Variants in EPHA6 observed in about 807,000 individuals in gnomAD.
EPHA6 encodes EPH receptor A6, also known as ephrin type-A receptor 6.
A neutral mutation model predicts 112.0 loss-of-function variants in EPHA6; 50 were observed. The observed-to-expected ratio is 0.45, with a 90% CI of 0.36 to 0.56. The LOEUF (loss-of-function observed/expected upper bound fraction) is 0.56, where lower values mean the gene tolerates loss of function less well. Among genes scored for constraint, EPHA6 ranks in the 20% least tolerant of loss-of-function variants. The pLI is 0.00. For synonymous variants in EPHA6, 529 were observed against 490.7 expected (o/e 1.08, Z -1.03); for missense variants, 1,280 against 1,417.4 (o/e 0.90, Z 1.56).
intron 14 of EPHA6, among the ~76,000 whole-genome samples, chr3:97,655,658 G>A (rs1215139389): frequency 6.6e-6 from 1 of 150,572 alleles, no homozygotes; most frequent in Admixed American, 6.7e-5. Flanking sequence ...TGGGATGGCT[G>A]GGTCAAATGG....
rs764287128 is a variant in EPHA6, at chr3:97,660,299, A to G, written c.2784+22217A>G. On this transcript the variant is annotated intron_variant, in intron 14 of 17. Coordinates refer to ENST00000389672, the MANE Select transcript of EPHA6 (RefSeq NM_001080448.3). Reference sequence around the variant, plus strand: ...TAATCTAGGTCACATTTTCATCAATATAGTTTCTAATGAAAGTTTTTAAAA... The same window carrying G: ...TAATCTAGGTCACATTTTCATCAATGTAGTTTCTAATGAAAGTTTTTAAAA... Among the ~76,000 whole-genome samples, 7 of 152,182 alleles carry G rather than the reference A, an allele frequency of 4.6e-5. No homozygotes were observed. In the South Asian group the frequency reaches 6.2e-4, roughly 14 times the overall value.
chr3:97,552,564 C>T (rs1445589909), intron 11 of EPHA6, among the ~76,000 whole-genome samples: 1 of 152,146 alleles, frequency 6.6e-6, no homozygotes, highest in Admixed American at 6.6e-5. Flanking sequence ...TAGGCAACAT[C>T]TCTCTTTTAA....
At chr3:97,413,384 G>A (rs899488898) in intron 6 of EPHA6, among the ~76,000 whole-genome samples, 7 of 151,648 alleles carry the variant, frequency 4.6e-5, no homozygotes, top group African/African-American at 1.7e-4. Flanking sequence ...ATTTACAGGG[G>A]AAAGAGCAAG....
chr3:97,103,383 A>G (rs1213924497), intron 3 of EPHA6, among the ~76,000 whole-genome samples: 1 of 152,076 alleles, frequency 6.6e-6, no homozygotes, highest in Non-Finnish European at 1.5e-5. Flanking sequence ...TCCCAGCACC[A>G]TTTACTGAAT....
At chr3:97,486,072 T>C (rs2091692158) in intron 10 of EPHA6, among the ~76,000 whole-genome samples, 1 of 152,226 alleles carries the variant, frequency 6.6e-6, no homozygotes, top group Non-Finnish European at 1.5e-5. Context: ...AAAGTATAAT[T>C]GATACTGCAA....
intron 5 of EPHA6, among the ~76,000 whole-genome samples, chr3:97,361,257 C>T (rs1311290616): frequency 2.0e-5 from 3 of 152,154 alleles, no homozygotes; most frequent in Non-Finnish European, 4.4e-5. Context: ...TTGTTTATTT[C>T]ACCTGCTAGG....
intron 3 of EPHA6, among the ~76,000 whole-genome samples, chr3:97,182,216 T>C (rs1460686401): frequency 6.6e-6 from 1 of 151,842 alleles, no homozygotes; most frequent in Non-Finnish European, 1.5e-5. Context: ...TTAACTATCA[T>C]TTCTAGTTTG....
At chr3:97,645,521 G>C (rs1441266717) in intron 14 of EPHA6, among the ~76,000 whole-genome samples, 3 of 119,972 alleles carry the variant, frequency 2.5e-5, no homozygotes, top group Middle Eastern at 4.9e-3. Context: ...GTGGTGGGGT[G>C]GGGGGAGGGG....
chr3:96,963,160 CAAAAA>C (rs376176100), intron 2 of EPHA6, among the ~76,000 whole-genome samples: 6 of 85,676 alleles, frequency 7.0e-5, no homozygotes, highest in Admixed American at 1.1e-4. Flanking sequence ...AAACTGCATC[CAAAAA>C]AAAAAAAAAA....
At chr3:97,158,331 C>T (rs906317157) in intron 3 of EPHA6, among the ~76,000 whole-genome samples, 1 of 152,038 alleles carries the variant, frequency 6.6e-6, no homozygotes, top group African/African-American at 2.4e-5. Flanking sequence ...ACAACTAGTC[C>T]TCATTTCTCT....
intron 5 of EPHA6, among the ~76,000 whole-genome samples, chr3:97,256,632 A>G (rs1399088898): frequency 1.3e-5 from 2 of 152,010 alleles, no homozygotes; most frequent in Admixed American, 6.5e-5. Flanking sequence ...TTTTTCAGTA[A>G]CTAATCATTT....
intron 6 of EPHA6, among the ~76,000 whole-genome samples, chr3:97,448,096 A>G (rs1041744063): frequency 4.6e-5 from 7 of 152,118 alleles, no homozygotes; most frequent in Admixed American, 2.0e-4. Flanking sequence ...TTTAAAAAGC[A>G]ATTAATTTAT....
intron 4 of EPHA6, among the ~76,000 whole-genome samples, chr3:97,234,951 T>G (rs539028593): frequency 6.6e-5 from 10 of 152,170 alleles, no homozygotes; most frequent in African/African-American, 1.9e-4. Flanking sequence ...CTCCCCTTGA[T>G]TACCAAACTC....
intron 10 of EPHA6, among the ~76,000 whole-genome samples, chr3:97,525,526 T>G (rs1042509824): frequency 3.3e-5 from 5 of 152,186 alleles, no homozygotes; most frequent in African/African-American, 1.2e-4. Flanking sequence ...AAAGCCTTAG[T>G]TATTTTGATG....
chr3:97,377,704 T>G (rs1391932079), intron 5 of EPHA6, among the ~76,000 whole-genome samples: 1 of 152,130 alleles, frequency 6.6e-6, no homozygotes, highest in African/African-American at 2.4e-5. Context: ...GGAGCAAAGG[T>G]GACTCTTGTT....
At chr3:97,197,362 G>A (rs771936309) in intron 3 of EPHA6, among the ~76,000 whole-genome samples, 58 of 152,012 alleles carry the variant, frequency 3.8e-4, no homozygotes, top group Non-Finnish European at 8.1e-4. Flanking sequence ...GTTTACTCAA[G>A]GTCCAAGCGC....
intron 3 of EPHA6, among the ~76,000 whole-genome samples, chr3:97,180,158 G>A (rs185705047): frequency 4.6e-5 from 7 of 152,084 alleles, no homozygotes; most frequent in East Asian, 1.9e-4. Flanking sequence ...AGGAGCGTTC[G>A]TTTGTAGCCA....
chr3:97,103,896 C>A (rs980172437), intron 3 of EPHA6, among the ~76,000 whole-genome samples: 13 of 151,222 alleles, frequency 8.6e-5, no homozygotes, highest in Non-Finnish European at 1.6e-4. Context: ...GTATTTTTTT[C>A]TTTTGAGGGT....
intron 14 of EPHA6, among the ~76,000 whole-genome samples, chr3:97,674,417 C>A (rs1359512223): frequency 2.0e-5 from 3 of 152,140 alleles, no homozygotes; most frequent in Non-Finnish European, 4.4e-5. Flanking sequence ...TCTTGCCATA[C>A]AAAATAATTT....
Sources: allele counts gnomAD v4.1 joint callset (sites outside exome capture counted in the v4.1 genomes callset), GRCh38; gene constraint gnomAD v4.1.1; transcripts MANE v1.5; gene names NCBI Gene and HGNC (gene_info 2026-07-23, HGNC 2026-07-21).